Variants in PPP4R3A observed in about 807,000 individuals in gnomAD.
PPP4R3A encodes the protein serine/threonine-protein phosphatase 4 regulatory subunit 3A.
PPP4R3A carries 15 observed loss-of-function variants against 91.7 expected under a neutral mutation model. The observed-to-expected ratio is 0.16, with a 90% CI of 0.11 to 0.25. PPP4R3A has a LOEUF of 0.25. Among genes scored for constraint, PPP4R3A ranks in the 10% least tolerant of loss-of-function variants. The pLI, the probability that PPP4R3A is intolerant of heterozygous loss-of-function variation, is 1.00. For missense variants in PPP4R3A, 623 were observed against 998.4 expected, an observed-to-expected ratio of 0.62 and a Z score of 5.07; for synonymous variants, 377 against 348.7, an observed-to-expected ratio of 1.08 and a Z score of -0.91.
intron 14 of PPP4R3A, among the ~76,000 whole-genome samples, chr14:91,460,636 C>T (rs1184045821): frequency 1.1e-4 from 11 of 98,332 alleles, no homozygotes; most frequent in East Asian, 3.2e-4. Flanking sequence ...AGATTTTGTT[C>T]CTTTTTTTTT....
Position 91,481,919 on chromosome 14 carries a change from T to C in PPP4R3A, c.572A>G (p.His191Arg). ...GATGCCTTTGATAATTTCATACAAGTGGTGCAGTCCTTCAATATTTTCCAA... is the reference window on the plus strand; with the variant it reads ...GATGCCTTTGATAATTTCATACAAGCGGTGCAGTCCTTCAATATTTTCCAA... ...EDLENIEGLH[H>R]LYEIIKGIFL... is the part of the protein sequence containing the mutation. Residue 191 changes from histidine to arginine, a missense_variant, in exon 4 of 15, where the codon CAC (histidine) becomes CGC (arginine). His to Arg is a conservative substitution (Grantham distance 29, BLOSUM62 0). Around this residue, in one of 5 missense-constraint regions of PPP4R3A, gnomAD observed 264 missense variants for 377.3 expected, o/e 0.70. Coordinates refer to ENST00000554943, the MANE Select transcript of PPP4R3A (RefSeq NM_001366432.2). 6.2e-7 allele frequency: 1 copy of C among 1,614,004 alleles called. No individual in the cohort carries two copies.
At chr14:91,483,875 A>G (rs182751116) in intron 3 of PPP4R3A, among the ~76,000 whole-genome samples, 4 of 152,352 alleles carry the variant, frequency 2.6e-5, no homozygotes, top group Admixed American at 2.6e-4. Flanking sequence ...AAAGGTAAAG[A>G]TCAGACAATA....
intron 1 of PPP4R3A, among the ~76,000 whole-genome samples, chr14:91,498,297 T>C (rs1890710724): frequency 6.6e-6 from 1 of 151,630 alleles, no homozygotes; most frequent in Non-Finnish European, 1.5e-5. Flanking sequence ...ATTGTGCCAC[T>C]GCACTCCAGC....
rs145912333 is a variant in PPP4R3A at position 91,490,051 on chromosome 14, C to T, written c.198+696G>A. On this transcript the variant is annotated intron_variant, in intron 2 of 14. Transcript: ENST00000554943. ...TTCTTCTCAATTAACTATTTTGTAT[C>T]TGCATCTTCTGGGCAATGAGGGAAC... 8.9e-4 allele frequency among the ~76,000 whole-genome samples: 136 copies of T among 152,302 alleles called. No individual in the cohort carries two copies. The South Asian group carries it at 0.013, about 15-fold the overall frequency.
At chr14:91,460,894 C>T (rs889560838) in intron 14 of PPP4R3A, among the ~76,000 whole-genome samples, 1 of 152,154 alleles carries the variant, frequency 6.6e-6, no homozygotes, top group African/African-American at 2.4e-5. Flanking sequence ...GCTGGGATTA[C>T]AGGCGTGAGC....
At chr14:91,459,277 T>G (rs183114002) in intron 14 of PPP4R3A, among the ~76,000 whole-genome samples, 8 of 152,174 alleles carry the variant, frequency 5.3e-5, no homozygotes, top group South Asian at 4.2e-4. Context: ...GGGTAATTTT[T>G]GTATTTTTAC....
chr14:91,487,621 A>AAG (rs1185906092), intron 2 of PPP4R3A, among the ~76,000 whole-genome samples: 1 of 152,252 alleles, frequency 6.6e-6, no homozygotes, highest in Non-Finnish European at 1.5e-5. Context: ...TCCTGTATTG[A>AAG]GAAGGAAAGA....
chr14:91,462,926 G>T, intron 11 of PPP4R3A, 49 bp from the exon 12 acceptor site: 1 of 1,408,338 alleles, frequency 7.1e-7, no homozygotes, highest in Non-Finnish European at 9.7e-7. Context: ...TGTCATTTTA[G>T]CAAGATGAGG....
intron 1 of PPP4R3A, among the ~76,000 whole-genome samples, chr14:91,507,547 A>ATAC (rs1891469429): frequency 1.1e-5 from 1 of 89,932 alleles, no homozygotes; most frequent in Non-Finnish European, 2.1e-5. Context: ...TATATATTAT[A>ATAC]TATAGTTATA....
chr14:91,506,839 C>A (rs1595095205), intron 1 of PPP4R3A, among the ~76,000 whole-genome samples: 1 of 152,176 alleles, frequency 6.6e-6, no homozygotes, highest in Admixed American at 6.5e-5. Flanking sequence ...CGTGAGCCAC[C>A]GCACCCAGCC....
At chr14:91,500,496 G>T (rs1022865366) in intron 1 of PPP4R3A, among the ~76,000 whole-genome samples, 1 of 152,080 alleles carries the variant, frequency 6.6e-6, no homozygotes, top group African/African-American at 2.4e-5. Flanking sequence ...ACCGCGCCTG[G>T]CCTCAATACT....
intron 10 of PPP4R3A, among the ~76,000 whole-genome samples, chr14:91,468,438 G>A (rs577923242): frequency 1.2e-4 from 18 of 152,138 alleles, no homozygotes; most frequent in Admixed American, 2.0e-4. Flanking sequence ...TTGGGAGGCC[G>A]AGGCAGGCGG....
At chr14:91,462,701 C>T in intron 12 of PPP4R3A, 34 bp downstream of exon 12, 1 of 1,611,832 alleles carries the variant, frequency 6.2e-7, no homozygotes, top group South Asian at 1.1e-5. Context: ...CGACTTGATG[C>T]TGAACGAATA....
intron 10 of PPP4R3A, chr14:91,466,225 C>T: frequency 1.0e-6 from 1 of 985,610 alleles, no homozygotes; most frequent in South Asian, 4.7e-5. Context: ...AGTTAATGCC[C>T]CAGTTATTGT....
rs776611562 is a variant in PPP4R3A at position 91,482,113 on chromosome 14, T to C, written c.378A>G (p.Ser126=). 12 of 1,614,024 alleles carry C rather than the reference T, an allele frequency of 7.4e-6. No individual in the cohort carries two copies. Among genetic ancestry groups the C allele is most frequent in the South Asian group, 1.1e-5 (1 of 91,094 alleles). ...ESEEERFDDM[S]SPGLELPSCE... is the part of the protein sequence containing the mutation. The stretch of plus-strand genomic sequence containing the variant: ...AAGATGGCAATTCTAAGCCTGGCGA[T>C]GACATATCATCAAAACGCTCCTCTT... Residue 126 remains serine (S), a synonymous_variant, in exon 4 of 15, where the codon TCA becomes TCG. Transcript: ENST00000554943.
At position 91,482,250 on chromosome 14, in the gene PPP4R3A, A is replaced by T. The variant is rs190467098; in HGVS notation, c.298-57T>A. ...AGATAACAGGTGACCAGCAAACCTAAATGCTACTCTAAGATGAATACTAGA... is the reference window on the plus strand; with the variant it reads ...AGATAACAGGTGACCAGCAAACCTATATGCTACTCTAAGATGAATACTAGA... On this transcript the variant is annotated intron_variant, in intron 3 of 14. Coordinates refer to ENST00000554943, the MANE Select transcript of PPP4R3A (RefSeq NM_001366432.2). 144 of 1,504,716 alleles carry T rather than the reference A, an allele frequency of 9.6e-5. No homozygotes were observed. The African/African-American group carries it at 1.7e-3, about 18-fold the overall frequency. 93.2% of individuals were successfully genotyped at this position (1,504,716 alleles called of 1,614,324 possible).
intron 13 of PPP4R3A, 174 bp from the exon 14 acceptor site, chr14:91,461,781 T>C: frequency 4.8e-6 from 4 of 840,302 alleles, no homozygotes; most frequent in Non-Finnish European, 7.1e-6. Flanking sequence ...TCATTGGATC[T>C]TACCCCAGAG....
At chr14:91,462,990 A>G in intron 11 of PPP4R3A, 113 bp from the exon 12 acceptor site, 1 of 822,504 alleles carries the variant, frequency 1.2e-6, no homozygotes, top group East Asian at 2.6e-5. Context: ...ATAAAACTAC[A>G]TAATCTTAGA....
chr14:91,457,896 TG>T lies in PPP4R3A; in HGVS notation c.*862del, dbSNP rs1278243633. On this transcript the variant is annotated 3_prime_UTR_variant, in exon 15 of 15. Transcript: ENST00000554943. ...TATGCACATAGTTGTAAGATTACTT[TG>T]CTTTTGTCAATAAAAACTATACCAT... 6.5e-6 allele frequency: 1 copy of T among 152,708 alleles called. No homozygotes were observed. Among genetic ancestry groups the T allele is most frequent in the East Asian group, 1.9e-4 (1 of 5,192 alleles). 9.5% of individuals were successfully genotyped at this position (152,708 alleles called of 1,614,324 possible). A position where few individuals can be genotyped will look rare whatever the true frequency, so the allele number is the denominator to read the frequency against.
Sources: allele counts gnomAD v4.1 joint callset (sites outside exome capture counted in the v4.1 genomes callset), GRCh38; gene constraint gnomAD v4.1.1; regional missense constraint gnomAD v4.1.1; transcripts MANE v1.5; gene names NCBI Gene and HGNC (gene_info 2026-07-23, HGNC 2026-07-21).